ZNF362: variants seen among roughly 807,000 people sequenced by gnomAD.
ZNF362 encodes rotund homolog.
A neutral mutation model predicts 42.9 loss-of-function variants in ZNF362; 11 were observed. The ratio of observed to expected loss-of-function variants is 0.26; its 90% CI spans 0.16 to 0.42. The LOEUF is 0.42. Among genes scored for constraint, ZNF362 ranks in the 20% least tolerant of loss-of-function variants. The pLI, the probability that ZNF362 is intolerant of heterozygous loss-of-function variation, is 1.00. For synonymous variants in ZNF362, 255 were observed against 257.3 expected, an observed-to-expected ratio of 0.99 and a Z score of 0.09; for missense variants, 362 against 576.2, an observed-to-expected ratio of 0.63 and a Z score of 3.81.
the ZNF362 span, among the ~76,000 whole-genome samples, chr1:33,156,057 C>G: frequency 6.6e-6 from 1 of 152,192 alleles, no homozygotes; most frequent in Non-Finnish European, 1.5e-5. Context: ...TCTCTGGGCT[C>G]CTGAAGATGA....
In ZNF362 at chr1:33,280,257, C is replaced by T. The variant is rs775191592; in HGVS notation, c.483C>T (p.Pro161=). Residue 161 remains proline (P), a synonymous_variant, in exon 5 of 9, where the codon CCC becomes CCT. Transcript: ENST00000539719. This position sits in a 1 kb window ranked among gnomAD's most constrained non-coding sequence, Gnocchi z 5.6. ...AGAGCCGCCTCATCGCCTCGTCCCC[C>T]ACCCTCATCTCAGGGATCACCAGCC... ...TSQSRLIASS[P]TLISGITSPP... 1.2e-6 allele frequency: 2 copies of T among 1,614,052 alleles called. No homozygotes were observed. Among genetic ancestry groups the T allele is most frequent in the Non-Finnish European group, 1.7e-6 (2 of 1,179,922 alleles).
At chr1:33,193,673 C>T in the ZNF362 span, among the ~76,000 whole-genome samples, 73 of 152,136 alleles carry the variant, frequency 4.8e-4, no homozygotes, top group South Asian at 8.3e-4. Flanking sequence ...TTAGATGGGA[C>T]GCAAATGTGA....
chr1:33,134,284 A>G, the ZNF362 span, among the ~76,000 whole-genome samples: 3 of 152,106 alleles, frequency 2.0e-5, no homozygotes, highest in Non-Finnish European at 2.9e-5. Flanking sequence ...TTTTGTTCCT[A>G]TTTTCCAGAT....
chr1:33,236,551 AT>A, the ZNF362 span, among the ~76,000 whole-genome samples: 236 of 23,988 alleles, frequency 9.8e-3, 7 homozygotes, highest in African/African-American at 0.024. Flanking sequence ...AAAAAAAAAA[AT>A]ATATATATAT....
the ZNF362 span, chr1:33,195,664 A>G: frequency 6.6e-6 from 1 of 152,106 alleles, no homozygotes; most frequent in African/African-American, 2.4e-5. Context: ...GACTAAAAAT[A>G]TGGCATAAAA....
Position 33,280,022 on chromosome 1 carries a change from G to C in ZNF362, c.350-102G>C, listed in dbSNP as rs769249968. ...TACCCCTGGGTAATAACTTATGAAC[G>C]TTAAGGGGATGCTCGCCTGCCAAAA... On this transcript the variant is annotated intron_variant, in intron 4 of 8. Transcript: ENST00000539719. This position sits in a 1 kb window ranked among gnomAD's most constrained non-coding sequence, Gnocchi z 5.6. 6.7e-5 allele frequency: 93 copies of C among 1,387,984 alleles called. No homozygotes were observed. Among genetic ancestry groups the C allele is most frequent in the Non-Finnish European group, 8.4e-5 (88 of 1,045,960 alleles). The allele number at this position is 1,387,984 out of a possible 1,614,324, so 86.0% of individuals were successfully genotyped here.
chr1:33,296,074 T>C (rs1646121488), intron 8 of ZNF362, among the ~76,000 whole-genome samples: 1 of 152,184 alleles, frequency 6.6e-6, no homozygotes, highest in Admixed American at 6.5e-5. Flanking sequence ...CCAGGGAAAT[T>C]AAGAACTGTT....
At chr1:33,267,475 ATTG>A (rs1304502369) in intron 1 of ZNF362, among the ~76,000 whole-genome samples, 1 of 151,990 alleles carries the variant, frequency 6.6e-6, no homozygotes. Flanking sequence ...CCCCCTGACT[ATTG>A]TTGTATCACA....
chr1:33,290,699 A>G (rs1267816100), intron 6 of ZNF362, among the ~76,000 whole-genome samples: 1 of 151,722 alleles, frequency 6.6e-6, no homozygotes, highest in African/African-American at 2.4e-5. Context: ...AAGTGTTCCT[A>G]TTTCTCCATA....
chr1:33,188,823 C>T, the ZNF362 span, among the ~76,000 whole-genome samples: 1 of 152,218 alleles, frequency 6.6e-6, no homozygotes, highest in Non-Finnish European at 1.5e-5. Context: ...GATGAATCAT[C>T]CTATCTAACT....
At chr1:33,221,915 C>T in the ZNF362 span, among the ~76,000 whole-genome samples, 1 of 152,036 alleles carries the variant, frequency 6.6e-6, no homozygotes, top group Admixed American at 6.5e-5. Flanking sequence ...CAGTTTCCTC[C>T]ATGGGTGGAG....
At chr1:33,255,539 G>T (rs1042102726), upstream of ZNF362, among the ~76,000 whole-genome samples, 4 of 146,824 alleles carry the variant, frequency 2.7e-5, no homozygotes, top group Non-Finnish European at 5.9e-5. Flanking sequence ...TCGGGAGGCC[G>T]AATCAGGAGG....
chr1:33,255,033 C>T (rs1446532364), upstream of ZNF362, among the ~76,000 whole-genome samples: 1 of 152,176 alleles, frequency 6.6e-6, no homozygotes, highest in Non-Finnish European at 1.5e-5. Flanking sequence ...GTGGCCTCCT[C>T]TGTGCTCTCC....
chr1:33,181,772 G>T, the ZNF362 span: 1 of 270,822 alleles, frequency 3.7e-6, no homozygotes, highest in East Asian at 9.4e-5. The surrounding 1 kb of genome is among the most constrained non-coding windows in gnomAD (Gnocchi z 6.5). Flanking sequence ...GATAGGAGCT[G>T]GGAGAAGGGG....
intron 2 of ZNF362, among the ~76,000 whole-genome samples, chr1:33,275,882 AG>A (rs1282159390): frequency 7.2e-6 from 1 of 139,860 alleles, no homozygotes; most frequent in Non-Finnish European, 1.5e-5. Context: ...GGGCCCACTA[AG>A]GGGGGGTGGT....
chr1:33,268,715 C>G (rs1392562095), intron 1 of ZNF362, among the ~76,000 whole-genome samples: 1 of 152,118 alleles, frequency 6.6e-6, no homozygotes, highest in African/African-American at 2.4e-5. Context: ...AAGCAGAACC[C>G]TGGGGGAACT....
chr1:33,148,205 G>A, the ZNF362 span, among the ~76,000 whole-genome samples: 1 of 152,142 alleles, frequency 6.6e-6, no homozygotes, highest in Non-Finnish European at 1.5e-5. Flanking sequence ...GTTCTGCAAA[G>A]GGAAGTTCTG....
chr1:33,205,399 C>T, the ZNF362 span, among the ~76,000 whole-genome samples: 1 of 151,950 alleles, frequency 6.6e-6, no homozygotes, highest in Non-Finnish European at 1.5e-5. Context: ...GTGGGAGGAT[C>T]ACGTGAGCCC....
intron 1 of ZNF362, among the ~76,000 whole-genome samples, chr1:33,263,052 C>T (rs1479343890): frequency 6.6e-6 from 1 of 152,248 alleles, no homozygotes; most frequent in Non-Finnish European, 1.5e-5. Context: ...CATCTGTACA[C>T]AGCTCTGTTC....
Sources: allele counts gnomAD v4.1 joint callset (sites outside exome capture counted in the v4.1 genomes callset), GRCh38; gene constraint gnomAD v4.1.1; non-coding constraint Gnocchi (gnomAD v3.1); transcripts MANE v1.5; gene names NCBI Gene and HGNC (gene_info 2026-07-23, HGNC 2026-07-21).